Variants in ECM2 observed in about 807,000 individuals in gnomAD.
ECM2 encodes the protein extracellular matrix protein 2.
ECM2 carries 57 observed loss-of-function variants against 67.5 expected under a neutral mutation model. That is an observed-to-expected ratio of 0.84 (90% confidence interval 0.68 to 1.05). The LOEUF (loss-of-function observed/expected upper bound fraction) is 1.05, where lower values mean the gene tolerates loss of function less well. ECM2 is among the 50% of genes least tolerant of loss of function. ECM2 has a pLI of 0.00. For missense variants in ECM2, 741 were observed against 822.8 expected, an observed-to-expected ratio of 0.90 and a Z score of 1.22; for synonymous variants, 258 against 294.5, an observed-to-expected ratio of 0.88 and a Z score of 1.27.
chr9:92,533,328 AATAT>A lies in ECM2; in HGVS notation c.-28+2601_-28+2604del, dbSNP rs202147064. Among the ~76,000 whole-genome samples the A allele has an allele frequency of 9.6e-3, 366 of 38,234 alleles. 6 individuals carry two copies. The highest frequency in any genetic ancestry group is 0.011 in the Non-Finnish European group (256 of 23,412). The allele number at this position is 38,234 out of a possible 152,430, so 25.1% of individuals were successfully genotyped here. A position where few individuals can be genotyped will look rare whatever the true frequency, so the allele number is the denominator to read the frequency against. On this transcript the variant is annotated intron_variant, in intron 1 of 9. Transcript: ENST00000344604. The stretch of plus-strand genomic sequence containing the variant: ...CAAAAAAAAAAAAAAAAAAAAAAAA[AATAT>A]ATATATATATATATATATATATATA...
At chr9:92,553,258 C>T in the ECM2 span, among the ~76,000 whole-genome samples, 1 of 152,112 alleles carries the variant, frequency 6.6e-6, no homozygotes, top group Non-Finnish European at 1.5e-5. Flanking sequence ...CTATTCTGTT[C>T]CATTGGTCTA....
At chr9:92,508,439 C>T (rs1563974941) in intron 6 of ECM2, among the ~76,000 whole-genome samples, 7 of 152,224 alleles carry the variant, frequency 4.6e-5, no homozygotes. Context: ...CTCTGGAAGG[C>T]AGTTCCAGGG....
intron 6 of ECM2, among the ~76,000 whole-genome samples, 175 bp downstream of exon 6, chr9:92,509,724 T>C (rs1476788783): frequency 6.6e-6 from 1 of 152,228 alleles, no homozygotes; most frequent in Non-Finnish European, 1.5e-5. Flanking sequence ...CAGTTTAAAA[T>C]TCATTTTACG....
intron 5 of ECM2, among the ~76,000 whole-genome samples, chr9:92,511,221 A>T (rs528514079): frequency 6.6e-6 from 1 of 151,900 alleles, no homozygotes; most frequent in South Asian, 2.1e-4. Context: ...CGCCTCCCGA[A>T]TTCAAGCGAT....
upstream of ECM2, among the ~76,000 whole-genome samples, chr9:92,538,493 TACAA>T (rs752396612): frequency 6.6e-5 from 10 of 152,142 alleles, no homozygotes; most frequent in South Asian, 4.1e-4. Context: ...TTAAAAAGAA[TACAA>T]ACAATCAAAA....
the ECM2 span, among the ~76,000 whole-genome samples, chr9:92,545,463 G>A: frequency 6.6e-6 from 1 of 152,204 alleles, no homozygotes; most frequent in Non-Finnish European, 1.5e-5. Context: ...TTGATTTCTC[G>A]TCGGGCCTTA....
chr9:92,544,599 AGTT>A, the ECM2 span, among the ~76,000 whole-genome samples: 2 of 152,062 alleles, frequency 1.3e-5, no homozygotes, highest in African/African-American at 4.8e-5. Context: ...TACATTCCAA[AGTT>A]GTTCTTTAAA....
intron 7 of ECM2, 41 bp from the exon 8 acceptor site, chr9:92,502,693 A>T: frequency 6.9e-7 from 1 of 1,449,448 alleles, no homozygotes; most frequent in Non-Finnish European, 9.4e-7. Context: ...CTTTTGTGTT[A>T]GTTGATACGT....
the ECM2 span, among the ~76,000 whole-genome samples, chr9:92,546,406 C>T: frequency 2.0e-4 from 30 of 152,312 alleles, no homozygotes; most frequent in African/African-American, 7.2e-4. Context: ...CTCTTTGGGT[C>T]CACGCTGACT....
At chr9:92,508,156 T>A (rs879614932) in intron 6 of ECM2, among the ~76,000 whole-genome samples, 3 of 152,030 alleles carry the variant, frequency 2.0e-5, no homozygotes, top group Non-Finnish European at 4.4e-5. Flanking sequence ...AGCCTGACCA[T>A]CCACAGCATC....
chr9:92,537,385 G>A (rs563021097), upstream of ECM2, among the ~76,000 whole-genome samples: 5 of 152,238 alleles, frequency 3.3e-5, no homozygotes, highest in African/African-American at 1.2e-4. Flanking sequence ...AACTAGCTGA[G>A]TGCAGTGGCT....
chr9:92,508,775 G>T (rs1371919872), intron 6 of ECM2, among the ~76,000 whole-genome samples: 1 of 152,046 alleles, frequency 6.6e-6, no homozygotes, highest in Non-Finnish European at 1.5e-5. Flanking sequence ...GAAGTGTTTT[G>T]TTCCTGTGAA....
chr9:92,546,313 C>T, the ECM2 span, among the ~76,000 whole-genome samples: 1 of 152,180 alleles, frequency 6.6e-6, no homozygotes, highest in Non-Finnish European at 1.5e-5. Context: ...CCCAAGCTAG[C>T]CCTGACAACC....
At position 92,496,312 on chromosome 9, in the gene ECM2, G is replaced by T; in HGVS notation, c.*3C>A. On this transcript the variant is annotated 3_prime_UTR_variant, in exon 10 of 10. Coordinates refer to ENST00000344604, the MANE Select transcript of ECM2 (RefSeq NM_001393.4). ...TTTATAAACAGCAAAGGAAAACTTG[G>T]AATTACTTGATGTTTTGTGGTTTAA... 1 of 1,571,834 alleles carries T rather than the reference G, an allele frequency of 6.4e-7. No homozygotes were observed. The highest frequency in any genetic ancestry group is 1.2e-5 in the South Asian group (1 of 82,922).
intron 1 of ECM2, among the ~76,000 whole-genome samples, chr9:92,526,285 G>A (rs1206549911): frequency 5.3e-5 from 8 of 152,102 alleles, no homozygotes; most frequent in Middle Eastern, 3.2e-3. Flanking sequence ...ACAAAATTAC[G>A]CTATAAAGAA....
intron 5 of ECM2, 95 bp from the exon 6 acceptor site, chr9:92,510,129 A>G: frequency 7.1e-7 from 1 of 1,399,064 alleles, no homozygotes; most frequent in South Asian, 1.5e-5. Context: ...TCACAAACCT[A>G]TCCTTCCTTA....
intron 2 of ECM2, among the ~76,000 whole-genome samples, chr9:92,518,414 C>T (rs1481861473): frequency 6.6e-6 from 1 of 152,192 alleles, no homozygotes; most frequent in Non-Finnish European, 1.5e-5. Context: ...CCAGTTCCCT[C>T]ATGTGACCAG....
chr9:92,557,532 CTCTG>C, the ECM2 span, among the ~76,000 whole-genome samples: 2 of 152,136 alleles, frequency 1.3e-5, no homozygotes, highest in African/African-American at 4.8e-5. Flanking sequence ...ATTCTTTTTT[CTCTG>C]TCTTTGTTGG....
intron 1 of ECM2, among the ~76,000 whole-genome samples, chr9:92,528,890 T>G (rs1169612771): frequency 6.6e-6 from 1 of 152,194 alleles, no homozygotes; most frequent in Non-Finnish European, 1.5e-5. Context: ...AAAAATCAGT[T>G]TATTGAAACC....
Sources: allele counts gnomAD v4.1 joint callset (sites outside exome capture counted in the v4.1 genomes callset), GRCh38; gene constraint gnomAD v4.1.1; transcripts MANE v1.5; gene names NCBI Gene and HGNC (gene_info 2026-07-23, HGNC 2026-07-21).